SEMA3A: variants seen among roughly 807,000 people sequenced by gnomAD.
SEMA3A encodes the protein semaphorin-3A.
A neutral mutation model predicts 97.9 loss-of-function variants in SEMA3A; 29 were observed. The observed-to-expected ratio is 0.30, with a 90% CI of 0.22 to 0.40. The LOEUF (loss-of-function observed/expected upper bound fraction) is 0.40. Ranked by LOEUF, SEMA3A falls within the 10% of genes least tolerant of loss-of-function variation. SEMA3A has a pLI of 1.00. For synonymous variants in SEMA3A, 321 were observed against 323.7 expected, an observed-to-expected ratio of 0.99 and a Z score of 0.09; for missense variants, 763 against 951.3, an observed-to-expected ratio of 0.80 and a Z score of 2.60.
intron 4 of SEMA3A, among the ~76,000 whole-genome samples, chr7:84,103,617 T>C (rs1484544181): frequency 6.6e-6 from 1 of 152,126 alleles, no homozygotes; most frequent in Non-Finnish European, 1.5e-5. Flanking sequence ...GCTACTTTTC[T>C]TATATTTTAA....
At chr7:84,197,906 A>AT (rs1281220739), upstream of SEMA3A, among the ~76,000 whole-genome samples, 2 of 151,562 alleles carry the variant, frequency 1.3e-5, no homozygotes, top group East Asian at 2.0e-4. Flanking sequence ...CGCCCAGCTA[A>AT]TTTTTTGTAT....
intron 1 of SEMA3A, among the ~76,000 whole-genome samples, chr7:84,466,462 C>T (rs1430211736): frequency 3.3e-5 from 5 of 151,980 alleles, no homozygotes; most frequent in South Asian, 2.1e-4. Flanking sequence ...TGTGAGCCGC[C>T]GCACCCAGCC....
At chr7:84,110,117 C>CTT (rs1307808933) in intron 4 of SEMA3A, among the ~76,000 whole-genome samples, 1 of 152,106 alleles carries the variant, frequency 6.6e-6, no homozygotes, top group Non-Finnish European at 1.5e-5. Context: ...GTGGCAGACA[C>CTT]TTCTGGCTGA....
chr7:84,386,477 C>T (rs1262116520), intron 1 of SEMA3A, among the ~76,000 whole-genome samples: 3 of 152,092 alleles, frequency 2.0e-5, no homozygotes, highest in African/African-American at 7.2e-5. Context: ...TCCTCCCACA[C>T]TTTATTCTCC....
chr7:84,014,523 T>C (rs1051218586), intron 6 of SEMA3A, among the ~76,000 whole-genome samples, 172 bp from the exon 7 acceptor site: 1 of 152,204 alleles, frequency 6.6e-6, no homozygotes, highest in African/African-American at 2.4e-5. Context: ...TTATAAAGTA[T>C]CTTACAAAAT....
intron 4 of SEMA3A, among the ~76,000 whole-genome samples, chr7:84,108,691 A>T (rs1442187061): frequency 6.6e-6 from 1 of 152,022 alleles, no homozygotes; most frequent in Non-Finnish European, 1.5e-5. Flanking sequence ...GGATTGCCTG[A>T]GCTAGGAGTT....
chr7:84,366,683 ATT>A (rs1291958399), intron 2 of SEMA3A, among the ~76,000 whole-genome samples: 1 of 151,392 alleles, frequency 6.6e-6, no homozygotes, highest in African/African-American at 2.4e-5. Context: ...CCAAGGCAGA[ATT>A]ACTTAAGTCT....
At chr7:84,159,711 C>A (rs1334611824) in intron 1 of SEMA3A, among the ~76,000 whole-genome samples, 1 of 150,776 alleles carries the variant, frequency 6.6e-6, no homozygotes. Context: ...ACAGAATAAA[C>A]CATAAAAAAA....
At chr7:84,015,741 A>G (rs1299831883) in intron 6 of SEMA3A, among the ~76,000 whole-genome samples, 5 of 152,184 alleles carry the variant, frequency 3.3e-5, no homozygotes, top group African/African-American at 1.2e-4. Context: ...GTGAATAATC[A>G]TTATCATTTG....
At chr7:84,084,983 C>T (rs1794285878) in intron 4 of SEMA3A, among the ~76,000 whole-genome samples, 1 of 151,676 alleles carries the variant, frequency 6.6e-6, no homozygotes, top group Admixed American at 6.6e-5. Context: ...CACAACAATA[C>T]CTATTTGCCT....
chr7:84,183,787 C>T lies in SEMA3A; in HGVS notation c.112+10688G>A, dbSNP rs568353394. Among the ~76,000 whole-genome samples the T allele has an allele frequency of 4.6e-5, 7 of 152,182 alleles. 1 individual carries two copies. In the East Asian group the frequency reaches 9.6e-4, roughly 21 times the overall value. On this transcript the variant is annotated intron_variant, in intron 1 of 16. Transcript: ENST00000265362. Reference sequence around the variant, plus strand: ...CAATAGAGACATTCAGCCATGATCTCCTTCTATAAAGAACACTAAATGGTA... The same window carrying T: ...CAATAGAGACATTCAGCCATGATCTTCTTCTATAAAGAACACTAAATGGTA...
intron 1 of SEMA3A, among the ~76,000 whole-genome samples, chr7:84,192,575 T>A (rs1798081492): frequency 1.3e-5 from 2 of 151,980 alleles, no homozygotes; most frequent in South Asian, 4.1e-4. Flanking sequence ...GCTTGCTTCA[T>A]CAGATAGGTT....
chr7:84,327,218 C>T (rs541126972), intron 2 of SEMA3A, among the ~76,000 whole-genome samples: 265 of 151,892 alleles, frequency 1.7e-3, no homozygotes, highest in African/African-American at 5.9e-3. Context: ...TGAGAGAATT[C>T]CAAAAGATCT....
chr7:84,229,255 A>C (rs924384897), intron 3 of SEMA3A, among the ~76,000 whole-genome samples: 1 of 152,138 alleles, frequency 6.6e-6, no homozygotes, highest in African/African-American at 2.4e-5. Context: ...TCAGACATTC[A>C]TTCACCATGA....
At chr7:84,459,671 G>A (rs9642179) in intron 1 of SEMA3A, among the ~76,000 whole-genome samples, 20,892 of 152,126 alleles carry the variant, frequency 0.14, 2,206 homozygotes, top group East Asian at 0.6. Flanking sequence ...GATTTCCTCA[G>A]ATAACTTTAA....
At chr7:84,408,009 A>C in intron 1 of SEMA3A, among the ~76,000 whole-genome samples, 1 of 152,226 alleles carries the variant, frequency 6.6e-6, no homozygotes, top group African/African-American at 2.4e-5. Context: ...CTAAAGCACA[A>C]AAGCAATGGC....
chr7:84,028,899 G>T (rs1378666553), intron 6 of SEMA3A, among the ~76,000 whole-genome samples: 1 of 152,184 alleles, frequency 6.6e-6, no homozygotes, highest in East Asian at 1.9e-4. Flanking sequence ...GATTACAGGC[G>T]TGAGCCACAG....
At chr7:84,194,115 A>G (rs1257465353) in intron 1 of SEMA3A, among the ~76,000 whole-genome samples, 1 of 152,188 alleles carries the variant, frequency 6.6e-6, no homozygotes, top group Admixed American at 6.5e-5. Flanking sequence ...GCACATCTAC[A>G]AAGAGACCAT....
chr7:84,193,888 A>C (rs1201917947), intron 1 of SEMA3A, among the ~76,000 whole-genome samples: 1 of 152,172 alleles, frequency 6.6e-6, no homozygotes, highest in African/African-American at 2.4e-5. Flanking sequence ...GCTTTACACA[A>C]TTAGCCAAAT....
Sources: gnomAD v4.1 joint callset for allele counts (sites outside exome capture counted in the v4.1 genomes callset) on GRCh38, gnomAD v4.1.1 for gene constraint, MANE v1.5 for transcripts, NCBI Gene and HGNC (gene_info 2026-07-23, HGNC 2026-07-21) for gene names.